Variants in DENND6B observed in about 807,000 individuals in gnomAD.
DENND6B encodes the protein DENN domain containing 6B.
DENND6B carries 73 observed loss-of-function variants against 85.1 expected under a neutral mutation model. The ratio of observed to expected loss-of-function variants is 0.86; its 90% CI spans 0.71 to 1.04. The LOEUF is 1.04. Among genes scored for constraint, DENND6B ranks in the 50% least tolerant of loss-of-function variants. The pLI is 0.00. For missense variants in DENND6B, 715 were observed against 785.8 expected (o/e 0.91, Z 1.08); for synonymous variants, 357 against 329.3 (o/e 1.08, Z -0.91).
rs983957497 is a variant in DENND6B, at chr22:50,314,607, G to A, written c.975C>T (p.Ala325=). The A allele has an allele frequency of 2.2e-5, 35 of 1,561,096 alleles. No individual in the cohort carries two copies. Among genetic ancestry groups the A allele is most frequent in the Non-Finnish European group, 2.7e-5 (31 of 1,153,112 alleles). Residue 325 remains alanine (A), a splice_region_variant and synonymous_variant, in exon 11 of 20, where the codon GCC becomes GCT. Coordinates refer to ENST00000413817, the MANE Select transcript of DENND6B (RefSeq NM_001001794.4). ...GGCGGGGCAGAGGCGGCACTTACGG[G>A]GCCTGCGTGCGTGTGGTGAACTCCT... ...EFKEFTTRTQ[A]PPNVVLGVTN... is the part of the protein sequence containing the mutation.
chr22:50,321,889 T>C (rs1424992503), intron 1 of DENND6B, among the ~76,000 whole-genome samples: 1 of 152,076 alleles, frequency 6.6e-6, no homozygotes, highest in Non-Finnish European at 1.5e-5. Flanking sequence ...ATTTTTACAC[T>C]GCTGTGTAGA....
intron 1 of DENND6B, among the ~76,000 whole-genome samples, chr22:50,320,148 A>G (rs908149673): frequency 6.6e-6 from 1 of 152,226 alleles, no homozygotes; most frequent in African/African-American, 2.4e-5. Flanking sequence ...GGTTTAGGCT[A>G]TAACAAGGCT....
At position 50,313,831 on chromosome 22, in the gene DENND6B, G is replaced by A. The variant is rs1384119487; in HGVS notation, c.1186C>T (p.Leu396Phe). The A allele has an allele frequency of 6.2e-7, 1 of 1,612,030 alleles. No homozygotes were observed. Among genetic ancestry groups the A allele is most frequent in the Admixed American group, 1.7e-5 (1 of 59,954 alleles). ...TAHLHRDKAL[L>F]KRLLKGVQKK... ...CCATATACCTTGAGCAGCCGTTTGA[G>A]CAGCGCCTTGTCGCGGTGGAGGTGG... is the stretch of plus-strand genomic sequence containing the variant. Residue 396 changes from leucine (L) to phenylalanine (F), a missense_variant, in exon 14 of 20, where the codon CTC becomes TTC. Physicochemically the swap from Leu to Phe is conservative, Grantham distance 22 (BLOSUM62 0). Coordinates refer to ENST00000413817, the MANE Select transcript of DENND6B (RefSeq NM_001001794.4).
chr22:50,320,566 T>C (rs1158350124), intron 1 of DENND6B, among the ~76,000 whole-genome samples: 6 of 152,182 alleles, frequency 3.9e-5, no homozygotes, highest in African/African-American at 1.4e-4. Context: ...AAGAGGTCTC[T>C]GAGGTTTACT....
intron 4 of DENND6B, 47 bp downstream of exon 4, chr22:50,317,861 T>C: frequency 6.4e-7 from 1 of 1,559,564 alleles, no homozygotes; most frequent in South Asian, 1.2e-5. Flanking sequence ...GGCAGGACCC[T>C]TGGGGAGCAG....
At chr22:50,323,661 C>T (rs944483566) in intron 1 of DENND6B, among the ~76,000 whole-genome samples, 2 of 150,508 alleles carry the variant, frequency 1.3e-5, no homozygotes, top group Non-Finnish European at 2.9e-5. Flanking sequence ...GGCTCAAGTG[C>T]TCCTCCCACT....
chr22:50,315,943 G>T lies in DENND6B; in HGVS notation c.702+82C>A. On this transcript the variant is annotated intron_variant, in intron 8 of 19. Transcript: ENST00000413817. Reference sequence around the variant, plus strand: ...CCCGCAGGGTGAACCAAGGAAGCAGGTGTGGGACCACCCGGCCCAGGAGCA... The same window carrying T: ...CCCGCAGGGTGAACCAAGGAAGCAGTTGTGGGACCACCCGGCCCAGGAGCA... 2.5e-6 allele frequency: 4 copies of T among 1,601,400 alleles called. No individual in the cohort carries two copies. The South Asian group carries it at 3.3e-5, about 13-fold the overall frequency.
chr22:50,313,392 G>T, intron 16 of DENND6B, 54 bp downstream of exon 16: 1 of 1,526,308 alleles, frequency 6.6e-7, no homozygotes, highest in Non-Finnish European at 8.8e-7. Flanking sequence ...TCCTCCGGGT[G>T]AGGAAGGGAA....
At chr22:50,315,640 A>T in intron 9 of DENND6B, 74 bp downstream of exon 9, 1 of 1,471,004 alleles carries the variant, frequency 6.8e-7, no homozygotes, top group South Asian at 1.3e-5. Flanking sequence ...ACACAGATGC[A>T]CACATGCACG....
chr22:50,321,369 AT>A (rs2042037828), intron 1 of DENND6B, among the ~76,000 whole-genome samples: 1 of 151,788 alleles, frequency 6.6e-6, no homozygotes, highest in African/African-American at 2.4e-5. Flanking sequence ...TTTTTTATTT[AT>A]TTATTTTTTG....
chr22:50,314,735 G>A (rs1245723025), intron 10 of DENND6B, 35 bp from the exon 11 acceptor site: 2 of 1,571,774 alleles, frequency 1.3e-6, no homozygotes, highest in South Asian at 1.2e-5. Context: ...AGGTGAGGCA[G>A]GGGCAGCCCA....
intron 12 of DENND6B, 38 bp from the exon 13 acceptor site, chr22:50,314,310 C>T (rs1344936954): frequency 6.2e-7 from 1 of 1,600,432 alleles, no homozygotes; most frequent in South Asian, 1.1e-5. Flanking sequence ...TCAGTGCCCG[C>T]AGCTCTGGCC....
intron 1 of DENND6B, among the ~76,000 whole-genome samples, chr22:50,321,159 G>A (rs1294819687): frequency 6.6e-6 from 1 of 152,138 alleles, no homozygotes; most frequent in Non-Finnish European, 1.5e-5. Flanking sequence ...GAAGGCACAT[G>A]CAGGGAGCGG....
intron 1 of DENND6B, among the ~76,000 whole-genome samples, chr22:50,320,146 C>T (rs1452251435): frequency 6.6e-6 from 1 of 152,224 alleles, no homozygotes; most frequent in African/African-American, 2.4e-5. Flanking sequence ...TGGGTTTAGG[C>T]TATAACAAGG....
rs2041807110 is a variant in DENND6B at position 50,316,174 on chromosome 22, C to G, written c.639G>C (p.Gln213His). Residue 213 changes from glutamine to histidine, a missense_variant and splice_region_variant, in exon 7 of 20, where the codon CAG (glutamine) becomes CAC (histidine). Physicochemically the swap from Gln to His is conservative, Grantham distance 24. Transcript: ENST00000413817. ...TACTCCCCAGCCAGCTGGCTCTCACCTGGACAACAACGCCCATGACAGGTA... is the reference window on the plus strand; with the variant it reads ...TACTCCCCAGCCAGCTGGCTCTCACGTGGACAACAACGCCCATGACAGGTA... ...LNLPVMGVVV[Q>H]VRIPSRVDKS... 1 of 1,612,448 alleles carries G rather than the reference C, an allele frequency of 6.2e-7. No individual in the cohort carries two copies. The highest frequency in any genetic ancestry group is 8.5e-7 in the Non-Finnish European group (1 of 1,179,868).
chr22:50,312,727 G>A (rs977363312), intron 17 of DENND6B, 102 bp from the exon 18 acceptor site: 1 of 465,066 alleles, frequency 2.2e-6, no homozygotes, highest in Non-Finnish European at 3.8e-6. Flanking sequence ...GGGGCCATGG[G>A]GCTGACCCTG....
At chr22:50,314,373 C>T in intron 12 of DENND6B, 27 bp downstream of exon 12, 3 of 1,565,812 alleles carry the variant, frequency 1.9e-6, no homozygotes, top group Non-Finnish European at 1.7e-6. Flanking sequence ...CTGAGCAGCA[C>T]CCCCTGCACC....
At chr22:50,319,523 C>G in intron 1 of DENND6B, 1 of 951,376 alleles carries the variant, frequency 1.1e-6, no homozygotes, top group South Asian at 4.9e-5. Context: ...GCTTCAGGGA[C>G]CCAGAGGCCC....
intron 5 of DENND6B, chr22:50,316,734 G>A (rs1224284152): frequency 4.2e-6 from 6 of 1,416,026 alleles, no homozygotes; most frequent in Non-Finnish European, 5.6e-6. Context: ...AACGCACGGT[G>A]GCCAGAATTT....
Sources: gnomAD v4.1 joint callset for allele counts (sites outside exome capture counted in the v4.1 genomes callset) on GRCh38, gnomAD v4.1.1 for gene constraint, MANE v1.5 for transcripts, NCBI Gene and HGNC (gene_info 2026-07-23, HGNC 2026-07-21) for gene names.